CTNNA3: variants seen among roughly 807,000 people sequenced by gnomAD.
CTNNA3 encodes catenin alpha 3.
In CTNNA3, 76 loss-of-function variants were observed where a neutral mutation model predicts 95.7. The ratio of observed to expected loss-of-function variants is 0.79; its 90% confidence interval spans 0.66 to 0.96. CTNNA3 has a LOEUF of 0.96. Among genes scored for constraint, CTNNA3 ranks in the 40% least tolerant of loss-of-function variants. The pLI, the probability that CTNNA3 is intolerant of heterozygous loss-of-function variation, is 0.00. For missense variants in CTNNA3, 1,191 were observed against 1,089.8 expected, an observed-to-expected ratio of 1.09 and a Z score of -1.31; for synonymous variants, 431 against 374.4, an observed-to-expected ratio of 1.15 and a Z score of -1.74.
chr10:67,134,292 T>C (rs578236977), intron 7 of CTNNA3, among the ~76,000 whole-genome samples: 2 of 152,240 alleles, frequency 1.3e-5, no homozygotes, highest in South Asian at 4.1e-4. Context: ...AATCTATTAG[T>C]TAATTCCATA....
intron 5 of CTNNA3, among the ~76,000 whole-genome samples, chr10:67,463,138 C>G (rs1847448790): frequency 6.6e-6 from 1 of 152,040 alleles, no homozygotes; most frequent in East Asian, 1.9e-4. Flanking sequence ...CTCCTAACCT[C>G]AGCTCATCTG....
intron 7 of CTNNA3, among the ~76,000 whole-genome samples, chr10:67,083,226 G>T (rs1857137160): frequency 6.6e-6 from 1 of 151,730 alleles, no homozygotes; most frequent in South Asian, 2.1e-4. Context: ...CAAGTAAAAA[G>T]AAAGTGTCTA....
At chr10:66,691,642 T>C (rs980703366) in intron 9 of CTNNA3, among the ~76,000 whole-genome samples, 6 of 152,134 alleles carry the variant, frequency 3.9e-5, no homozygotes, top group Non-Finnish European at 8.8e-5. Context: ...GATCTGAGAA[T>C]GGGCAGACTG....
At chr10:67,733,478 G>C (rs541990180) in intron 1 of CTNNA3, among the ~76,000 whole-genome samples, 11 of 152,156 alleles carry the variant, frequency 7.2e-5, no homozygotes, top group Non-Finnish European at 1.5e-4. Context: ...TTAGGAAGGA[G>C]GCTTGTCTCT....
intron 13 of CTNNA3, among the ~76,000 whole-genome samples, chr10:66,115,551 T>G (rs577378705): frequency 1.4e-5 from 2 of 146,502 alleles, no homozygotes; most frequent in African/African-American, 5.0e-5. Flanking sequence ...GATAGATAGA[T>G]AGATAGATAG....
chr10:66,638,002 T>C (rs749208523), intron 9 of CTNNA3, among the ~76,000 whole-genome samples: 28 of 152,132 alleles, frequency 1.8e-4, no homozygotes, highest in African/African-American at 6.8e-4. Context: ...GCACAATGTT[T>C]CTCTTCCCTA....
intron 2 of CTNNA3, among the ~76,000 whole-genome samples, chr10:67,621,973 A>T (rs1420039241): frequency 6.6e-6 from 1 of 152,176 alleles, no homozygotes; most frequent in Non-Finnish European, 1.5e-5. Flanking sequence ...TAGAGACGCT[A>T]TGGTCCCCAA....
At chr10:67,221,060 A>G (rs1443548759) in intron 5 of CTNNA3, among the ~76,000 whole-genome samples, 1 of 152,186 alleles carries the variant, frequency 6.6e-6, no homozygotes, top group Non-Finnish European at 1.5e-5. Flanking sequence ...TTGGGGAGAC[A>G]TAACTAAATG....
chr10:67,021,936 A>G (rs1853043078), intron 7 of CTNNA3, among the ~76,000 whole-genome samples: 1 of 152,210 alleles, frequency 6.6e-6, no homozygotes, highest in Non-Finnish European at 1.5e-5. Context: ...TAGAATAGTC[A>G]GAGAATTAAA....
chr10:66,801,526 T>G (rs562163169), intron 7 of CTNNA3, among the ~76,000 whole-genome samples: 1 of 151,536 alleles, frequency 6.6e-6, no homozygotes, highest in South Asian at 2.1e-4. Flanking sequence ...TCAAAAGTTA[T>G]AAAATACACA....
At chr10:67,513,556 C>A (rs1839710316) in intron 5 of CTNNA3, among the ~76,000 whole-genome samples, 1 of 152,190 alleles carries the variant, frequency 6.6e-6, no homozygotes. Flanking sequence ...CACTACTCGA[C>A]CACCTAGCAA....
intron 15 of CTNNA3, among the ~76,000 whole-genome samples, chr10:66,066,373 A>G (rs775027262): frequency 1.3e-4 from 20 of 152,180 alleles, no homozygotes; most frequent in Non-Finnish European, 2.5e-4. Context: ...ATACATGTCT[A>G]TGTTATATAT....
intron 7 of CTNNA3, among the ~76,000 whole-genome samples, chr10:67,011,803 G>A (rs58086991): frequency 0.016 from 2,471 of 152,192 alleles, 85 homozygotes; most frequent in African/African-American, 0.056. Context: ...AAGAGAAAAT[G>A]GAAGCAGAAC....
At chr10:67,200,886 C>A (rs752174107) in intron 6 of CTNNA3, among the ~76,000 whole-genome samples, 1 of 152,098 alleles carries the variant, frequency 6.6e-6, no homozygotes, top group Non-Finnish European at 1.5e-5. Flanking sequence ...TAGAAAATAT[C>A]AACTAAAACA....
chr10:66,724,915 T>C (rs1225132512), intron 9 of CTNNA3, among the ~76,000 whole-genome samples: 1 of 152,140 alleles, frequency 6.6e-6, no homozygotes, highest in Non-Finnish European at 1.5e-5. Flanking sequence ...ATACAGTCAT[T>C]ACTCTGTTTC....
At chr10:66,851,529 G>T (rs1843486530) in intron 7 of CTNNA3, among the ~76,000 whole-genome samples, 1 of 152,006 alleles carries the variant, frequency 6.6e-6, no homozygotes, top group Admixed American at 6.6e-5. Context: ...CTCCTGAATG[G>T]TTTAGCACCA....
At chr10:65,942,799 C>T (rs1158309760) in intron 17 of CTNNA3, among the ~76,000 whole-genome samples, 1 of 147,698 alleles carries the variant, frequency 6.8e-6, no homozygotes, top group African/African-American at 2.4e-5. Flanking sequence ...GGAGTACAGG[C>T]TCTGGAATAA....
At chr10:67,214,902 C>T (rs543339975) in intron 6 of CTNNA3, among the ~76,000 whole-genome samples, 9 of 151,988 alleles carry the variant, frequency 5.9e-5, no homozygotes, top group African/African-American at 1.2e-4. Context: ...CACTATGATA[C>T]GTGTAAATAT....
rs1023505803 is a variant in CTNNA3 at position 67,008,807 on chromosome 10, T to C, written c.1047+171510A>G. On this transcript the variant is annotated intron_variant, in intron 7 of 17. Transcript: ENST00000433211. Reference sequence around the variant, plus strand: ...AAATAAGACAGAAGGCCCCAGTGCATAAGAATCTTTTTAAGTCTTTGTTTA... The same window carrying C: ...AAATAAGACAGAAGGCCCCAGTGCACAAGAATCTTTTTAAGTCTTTGTTTA... 2.6e-5 allele frequency among the ~76,000 whole-genome samples: 4 copies of C among 152,208 alleles called. No individual in the cohort carries two copies. In the East Asian group the frequency reaches 7.7e-4, roughly 29 times the overall value.
Sources: gnomAD v4.1 joint callset for allele counts (sites outside exome capture counted in the v4.1 genomes callset) on GRCh38, gnomAD v4.1.1 for gene constraint, MANE v1.5 for transcripts, NCBI Gene and HGNC (gene_info 2026-07-23, HGNC 2026-07-21) for gene names.